The following FGF14 variants were observed in gnomAD, a reference collection of about 807,000 sequenced individuals.
FGF14 encodes fibroblast growth factor 14.
Under a neutral mutation model 25.5 loss-of-function variants are expected in FGF14, and 5 were observed. That is an observed-to-expected ratio of 0.20 (90% confidence interval 0.10 to 0.41). FGF14 has a LOEUF of 0.41. Among genes scored for constraint, FGF14 ranks in the 10% least tolerant of loss-of-function variants. The pLI, the probability that FGF14 is intolerant of heterozygous loss-of-function variation, is 1.00. For synonymous variants in FGF14, 138 were observed against 118.3 expected, an observed-to-expected ratio of 1.17 and a Z score of -1.08; for missense variants, 222 against 320.1, an observed-to-expected ratio of 0.69 and a Z score of 2.34.
rs555313981 is a variant in FGF14 at position 101,721,008 on chromosome 13, G to A, written c.*1823C>T. On this transcript the variant is annotated 3_prime_UTR_variant, in exon 5 of 5. Coordinates refer to ENST00000376143, the MANE Select transcript of FGF14 (RefSeq NM_004115.4). ...GCTGTCATGAAGAAGATTTATGAAA[G>A]CAGTGACAAAATAATTTCCCAATAA... is the stretch of plus-strand genomic sequence containing the variant. The A allele has an allele frequency of 6.6e-6, 1 of 152,194 alleles. No homozygotes were observed. Among genetic ancestry groups the A allele is most frequent in the South Asian group, 2.1e-4 (1 of 4,820 alleles). 9.4% of individuals were successfully genotyped at this position (152,194 alleles called of 1,614,324 possible).
intron 3 of FGF14, among the ~76,000 whole-genome samples, chr13:101,807,372 C>T (rs926751077): frequency 6.6e-6 from 1 of 152,196 alleles, no homozygotes; most frequent in East Asian, 1.9e-4. Flanking sequence ...GTAGAAAGGG[C>T]TCAATGGCCC....
At chr13:102,156,382 G>A (rs1474404790) in intron 1 of FGF14, among the ~76,000 whole-genome samples, 2 of 152,072 alleles carry the variant, frequency 1.3e-5, no homozygotes, top group Non-Finnish European at 2.9e-5. Context: ...ATGTAATCCA[G>A]CATATAAACA....
chr13:102,046,560 A>G (rs1279771192), intron 1 of FGF14, among the ~76,000 whole-genome samples: 4 of 152,180 alleles, frequency 2.6e-5, no homozygotes, highest in Admixed American at 6.6e-5. Context: ...TTATTTGACA[A>G]TTTAATGCAC....
intron 1 of FGF14, among the ~76,000 whole-genome samples, chr13:102,334,688 G>A (rs1360407214): frequency 6.6e-6 from 1 of 152,162 alleles, no homozygotes; most frequent in African/African-American, 2.4e-5. Flanking sequence ...CATGTTATAT[G>A]CACAGTATTT....
chr13:102,284,456 G>C (rs763546985), intron 1 of FGF14, among the ~76,000 whole-genome samples: 21 of 151,986 alleles, frequency 1.4e-4, no homozygotes, highest in Non-Finnish European at 1.6e-4. Context: ...TTTAACCTTT[G>C]CATAATATGA....
intron 1 of FGF14, among the ~76,000 whole-genome samples, chr13:102,303,424 T>A (rs1594788127): frequency 6.6e-6 from 1 of 152,234 alleles, no homozygotes; most frequent in East Asian, 1.9e-4. Context: ...TTTTTTTCAG[T>A]TCTGTTTCAC....
intron 1 of FGF14, among the ~76,000 whole-genome samples, chr13:102,015,441 T>G (rs760623332): frequency 6.6e-6 from 1 of 152,154 alleles, no homozygotes; most frequent in Non-Finnish European, 1.5e-5. Context: ...ACAGTTACCT[T>G]TAGACTAGCA....
chr13:102,007,687 A>G (rs923437591), intron 1 of FGF14, among the ~76,000 whole-genome samples: 2 of 152,182 alleles, frequency 1.3e-5, no homozygotes, highest in Non-Finnish European at 2.9e-5. Flanking sequence ...GTGAGAGCTC[A>G]CTCTGAAAAT....
rs556552243 is a variant in FGF14, at chr13:101,816,968, G to A, written c.408+51757C>T. Reference sequence around the variant, plus strand: ...TTGATTAATTTTTTATTCATTTCAGGCAGGTTTTGAAAGCTAAGTAAAATA... The same window carrying A: ...TTGATTAATTTTTTATTCATTTCAGACAGGTTTTGAAAGCTAAGTAAAATA... On this transcript the variant is annotated intron_variant, in intron 3 of 4. Transcript: ENST00000376143. Among the ~76,000 whole-genome samples, 5 of 152,164 alleles carry A rather than the reference G, an allele frequency of 3.3e-5. No individual in the cohort carries two copies. In the East Asian group the frequency reaches 9.6e-4, roughly 29 times the overall value.
chr13:102,084,853 G>A (rs1354589825), intron 1 of FGF14, among the ~76,000 whole-genome samples: 12 of 152,144 alleles, frequency 7.9e-5, no homozygotes, highest in Non-Finnish European at 1.8e-4. Flanking sequence ...AAATAATTGT[G>A]ATACTCCTTA....
chr13:102,311,131 C>A (rs2055743924), intron 1 of FGF14, among the ~76,000 whole-genome samples: 1 of 152,132 alleles, frequency 6.6e-6, no homozygotes, highest in Non-Finnish European at 1.5e-5. Context: ...TTCTTCCATT[C>A]ATTACATTCA....
intron 1 of FGF14, among the ~76,000 whole-genome samples, chr13:102,267,963 A>T (rs1422346590): frequency 1.3e-5 from 2 of 152,182 alleles, no homozygotes; most frequent in Non-Finnish European, 2.9e-5. Flanking sequence ...ACAAAAAAAA[A>T]GAGTACATTC....
intron 3 of FGF14, among the ~76,000 whole-genome samples, chr13:101,775,126 A>T (rs1168248583): frequency 6.6e-6 from 1 of 152,168 alleles, no homozygotes; most frequent in Non-Finnish European, 1.5e-5. Flanking sequence ...GGAAATAAAA[A>T]TAATTGCAGA....
chr13:101,937,731 C>G (rs2035195796), intron 1 of FGF14, among the ~76,000 whole-genome samples: 2 of 152,160 alleles, frequency 1.3e-5, no homozygotes, highest in South Asian at 4.1e-4. Flanking sequence ...TCCCAAGGAG[C>G]TGGGACTACA....
At chr13:102,153,254 AAAAG>A (rs1206453620) in intron 1 of FGF14, among the ~76,000 whole-genome samples, 41 of 152,366 alleles carry the variant, frequency 2.7e-4, no homozygotes, top group Admixed American at 2.6e-4. Context: ...GAGAGAAAGA[AAAAG>A]AACTAGAATT....
chr13:102,398,906 A>G (rs1487679703), intron 1 of FGF14, among the ~76,000 whole-genome samples: 1 of 148,366 alleles, frequency 6.7e-6, no homozygotes, highest in Non-Finnish European at 1.5e-5. Flanking sequence ...TAATATATAT[A>G]TATACTAAAT....
At chr13:101,845,694 C>G (rs1347888486) in intron 3 of FGF14, among the ~76,000 whole-genome samples, 5 of 151,914 alleles carry the variant, frequency 3.3e-5, no homozygotes. Context: ...TAAAGAATGG[C>G]ACCAGAGGCG....
intron 1 of FGF14, among the ~76,000 whole-genome samples, chr13:102,173,652 A>G (rs976210089): frequency 1.3e-5 from 2 of 152,184 alleles, no homozygotes; most frequent in Admixed American, 6.5e-5. Flanking sequence ...TTTATGAAAG[A>G]ATGAAATTCT....
intron 3 of FGF14, among the ~76,000 whole-genome samples, chr13:101,756,911 G>C (rs945091749): frequency 6.6e-5 from 10 of 152,264 alleles, no homozygotes; most frequent in African/African-American, 2.4e-4. Context: ...TATAAAAAGT[G>C]CTCAGAATAC....
Sources: allele counts gnomAD v4.1 joint callset (sites outside exome capture counted in the v4.1 genomes callset), GRCh38; gene constraint gnomAD v4.1.1; transcripts MANE v1.5; gene names NCBI Gene and HGNC (gene_info 2026-07-23, HGNC 2026-07-21).